The following TOP6BL variants were observed in gnomAD, a reference collection of about 807,000 sequenced individuals.
The protein encoded by TOP6BL is type 2 DNA topoisomerase 6 subunit B-like.
chr11:66,810,019 A>G, the TOP6BL span, among the ~76,000 whole-genome samples: 1 of 152,224 alleles, frequency 6.6e-6, no homozygotes, highest in African/African-American at 2.4e-5. Flanking sequence ...TCATAATCAA[A>G]GTATTTGAAG....
At chr11:66,760,980 A>G in the TOP6BL span, among the ~76,000 whole-genome samples, 1 of 148,332 alleles carries the variant, frequency 6.7e-6, no homozygotes, top group Non-Finnish European at 1.5e-5. Context: ...CAACTCAATT[A>G]TTACTTAAAG....
chr11:66,792,285 T>C, the TOP6BL span, among the ~76,000 whole-genome samples: 1 of 152,202 alleles, frequency 6.6e-6, no homozygotes, highest in Admixed American at 6.5e-5. Flanking sequence ...TTATCTAAAT[T>C]TCACATTGTC....
At chr11:66,797,410 T>TA in the TOP6BL span, among the ~76,000 whole-genome samples, 3 of 152,206 alleles carry the variant, frequency 2.0e-5, no homozygotes, top group Non-Finnish European at 4.4e-5. Context: ...TCACTTTAGA[T>TA]ACCTCTTCCC....
chr11:66,756,084 ATAAT>A, the TOP6BL span, among the ~76,000 whole-genome samples: 10 of 152,222 alleles, frequency 6.6e-5, no homozygotes, highest in South Asian at 2.1e-4. Context: ...AAGCCAAGAG[ATAAT>A]TAGTTTTTTC....
At chr11:66,843,465 C>G in the TOP6BL span, 50 of 1,414,234 alleles carry the variant, frequency 3.5e-5, no homozygotes, top group African/African-American at 4.6e-5. Flanking sequence ...AATGGCGGCG[C>G]TGGGCGGGGA....
the TOP6BL span, chr11:66,788,149 T>G: frequency 3.1e-6 from 5 of 1,589,664 alleles, no homozygotes; most frequent in East Asian, 1.1e-4. Context: ...TTGCCATTTC[T>G]TCTCACACAG....
chr11:66,843,151 GC>G, the TOP6BL span: 2 of 1,610,480 alleles, frequency 1.2e-6, no homozygotes, highest in Non-Finnish European at 1.7e-6. Flanking sequence ...CTCACCCCGG[GC>G]CCCCTTGTTC....
the TOP6BL span, chr11:66,816,049 C>G: frequency 1.9e-6 from 3 of 1,592,284 alleles, no homozygotes; most frequent in South Asian, 3.4e-5. Context: ...ATCTTGTCCT[C>G]TAGATTTGGT....
At chr11:66,838,411 C>T in the TOP6BL span, 51 of 1,613,780 alleles carry the variant, frequency 3.2e-5, no homozygotes, top group South Asian at 7.7e-5. Context: ...GCACTGAGGA[C>T]GCACCTGATA....
At chr11:66,755,889 T>A in the TOP6BL span, among the ~76,000 whole-genome samples, 1 of 152,212 alleles carries the variant, frequency 6.6e-6, no homozygotes, top group African/African-American at 2.4e-5. Context: ...GGCCTTCTTA[T>A]AAGTACACCA....
chr11:66,842,944 TCAGAGGCCGC>T, the TOP6BL span: 5 of 1,556,444 alleles, frequency 3.2e-6, no homozygotes, highest in Non-Finnish European at 4.3e-6. Context: ...CCCGAGCCCG[TCAGAGGCCGC>T]CCCGCGCCGC....
At chr11:66,842,910 G>A in the TOP6BL span, 2 of 1,568,204 alleles carry the variant, frequency 1.3e-6, no homozygotes, top group South Asian at 2.3e-5. Flanking sequence ...TAGAGGAGAT[G>A]CGAGCTCTGC....
the TOP6BL span, among the ~76,000 whole-genome samples, chr11:66,807,653 G>T: frequency 6.6e-6 from 1 of 152,274 alleles, no homozygotes; most frequent in Non-Finnish European, 1.5e-5. Flanking sequence ...CATGATTTAG[G>T]AGAGGTTTGA....
At chr11:66,816,969 C>G in the TOP6BL span, among the ~76,000 whole-genome samples, 1 of 151,998 alleles carries the variant, frequency 6.6e-6, no homozygotes, top group Non-Finnish European at 1.5e-5. Flanking sequence ...GCCTAGCTAA[C>G]ACGGCGAAAC....
At chr11:66,764,193 C>T in the TOP6BL span, among the ~76,000 whole-genome samples, 1 of 152,134 alleles carries the variant, frequency 6.6e-6, no homozygotes, top group East Asian at 1.9e-4. Context: ...TTTGGGAGAT[C>T]TGAATCCAAG....
At chr11:66,832,346 G>A in the TOP6BL span, among the ~76,000 whole-genome samples, 2 of 152,082 alleles carry the variant, frequency 1.3e-5, no homozygotes, top group African/African-American at 2.4e-5. Flanking sequence ...GTGATCCTCC[G>A]GCCTCGGCCT....
At chr11:66,789,173 A>C in the TOP6BL span, among the ~76,000 whole-genome samples, 1 of 152,340 alleles carries the variant, frequency 6.6e-6, no homozygotes, top group East Asian at 1.9e-4. Context: ...AGAACCACTG[A>C]AACAAGCCCT....
At chr11:66,759,743 C>T in the TOP6BL span, among the ~76,000 whole-genome samples, 18 of 152,092 alleles carry the variant, frequency 1.2e-4, no homozygotes, top group Non-Finnish European at 2.5e-4. Context: ...GCTGCCACAC[C>T]CAGCTAATTT....
chr11:66,840,528 C>G, the TOP6BL span, among the ~76,000 whole-genome samples: 6 of 152,160 alleles, frequency 3.9e-5, no homozygotes, highest in African/African-American at 1.4e-4. Flanking sequence ...AAGAAAATCT[C>G]CCGTGACCTT....
Sources: gnomAD v4.1 joint callset for allele counts (sites outside exome capture counted in the v4.1 genomes callset) on GRCh38, gnomAD v4.1.1 for gene constraint, MANE v1.5 for transcripts, NCBI Gene and HGNC (gene_info 2026-07-23, HGNC 2026-07-21) for gene names.